GPR158: variants seen among roughly 807,000 people sequenced by gnomAD.
GPR158 encodes metabotropic glycine receptor.
Under a neutral mutation model 78.2 loss-of-function variants are expected in GPR158, and 30 were observed. The ratio of observed to expected loss-of-function variants is 0.38; its 90% CI spans 0.29 to 0.52. The LOEUF (loss-of-function observed/expected upper bound fraction) is 0.52. Among genes scored for constraint, GPR158 ranks in the 20% least tolerant of loss-of-function variants. The pLI, the probability that GPR158 is intolerant of heterozygous loss-of-function variation, is 0.83. For synonymous variants in GPR158, 581 were observed against 591.1 expected (o/e 0.98, Z 0.25); for missense variants, 1,463 against 1,523.5 (o/e 0.96, Z 0.66).
At position 25,324,605 on chromosome 10, in the gene GPR158, C is replaced by T. The variant is rs547962157; in HGVS notation, c.1009-71306C>T. On this transcript the variant is annotated intron_variant, in intron 2 of 10. Transcript: ENST00000376351. ...GAATTACCAAAATGTGACACACAGA[C>T]GCAAAGTGATCACCTGCTGTTGGAA... 1.6e-4 allele frequency among the ~76,000 whole-genome samples: 24 copies of T among 152,140 alleles called. 1 individual carries two copies. In the South Asian group the frequency reaches 3.7e-3, roughly 24 times the overall value.
At chr10:25,580,478 GA>G (rs1837173953) in intron 7 of GPR158, among the ~76,000 whole-genome samples, 1 of 152,020 alleles carries the variant, frequency 6.6e-6, no homozygotes, top group African/African-American at 2.4e-5. Flanking sequence ...GTTATATAAG[GA>G]AATTCTAAAA....
intron 5 of GPR158, among the ~76,000 whole-genome samples, chr10:25,468,756 G>C (rs578030284): frequency 1.3e-5 from 2 of 152,180 alleles, no homozygotes; most frequent in East Asian, 1.9e-4. Context: ...GCCAACTTAC[G>C]TTCAGTGGTT....
chr10:25,600,220 G>A lies in GPR158; in HGVS notation c.*946G>A, dbSNP rs3003953. ...TCAATAAGTTAAGGACAACTTATCC[G>A]TTGTTTATTCAAAGTCAGAGATAGA... is the stretch of plus-strand genomic sequence containing the variant. On this transcript the variant is annotated 3_prime_UTR_variant, in exon 11 of 11. Coordinates refer to ENST00000376351, the MANE Select transcript of GPR158 (RefSeq NM_020752.3). 0.013 allele frequency: 2,011 copies of A among 152,706 alleles called. 22 individuals carry two copies. The highest frequency in any genetic ancestry group is 0.044 in the South Asian group (212 of 4,830). 9.5% of individuals were successfully genotyped at this position (152,706 alleles called of 1,614,324 possible).
rs1424870367 is a variant in GPR158, at chr10:25,435,736, A to G, written c.1335+23263A>G. Among the ~76,000 whole-genome samples, 5 of 152,306 alleles carry G rather than the reference A, an allele frequency of 3.3e-5. No individual in the cohort carries two copies. In the East Asian group the frequency reaches 5.8e-4, roughly 18 times the overall value. On this transcript the variant is annotated intron_variant, in intron 4 of 10. Transcript: ENST00000376351. ...CATTTATAGGTGGTCCTGTTGATTG[A>G]TTATTAAACCAACTTTTCTAGCTGC... is the stretch of plus-strand genomic sequence containing the variant.
intron 7 of GPR158, among the ~76,000 whole-genome samples, chr10:25,577,414 G>A (rs550475882): frequency 1.3e-5 from 2 of 150,700 alleles, no homozygotes; most frequent in South Asian, 4.2e-4. Flanking sequence ...TTACATTAGT[G>A]TCAAGAGTTC....
At chr10:25,422,133 C>T (rs540529010) in intron 4 of GPR158, among the ~76,000 whole-genome samples, 2 of 152,320 alleles carry the variant, frequency 1.3e-5, no homozygotes, top group Admixed American at 1.3e-4. Context: ...TATATGGCAA[C>T]AACGTGGCTC....
intron 4 of GPR158, among the ~76,000 whole-genome samples, chr10:25,452,042 T>TTTG (rs1288784639): frequency 2.3e-5 from 3 of 131,180 alleles, no homozygotes; most frequent in Non-Finnish European, 3.6e-5. Context: ...GTTTGGTTTT[T>TTTG]GTTTTTGTTT....
At chr10:25,591,101 A>G (rs1489599659) in intron 8 of GPR158, among the ~76,000 whole-genome samples, 1 of 152,144 alleles carries the variant, frequency 6.6e-6, no homozygotes, top group Non-Finnish European at 1.5e-5. Context: ...ACCCAAAGAT[A>G]AGCACTGTTA....
At chr10:25,416,869 A>T (rs975734211) in intron 4 of GPR158, among the ~76,000 whole-genome samples, 40 of 152,164 alleles carry the variant, frequency 2.6e-4, no homozygotes, top group African/African-American at 9.7e-4. Flanking sequence ...ACTGTAAGTT[A>T]ATAAATTAAG....
At chr10:25,365,014 A>C (rs1855697445) in intron 2 of GPR158, among the ~76,000 whole-genome samples, 1 of 151,912 alleles carries the variant, frequency 6.6e-6, no homozygotes, top group East Asian at 1.9e-4. Flanking sequence ...TGTCTATGTA[A>C]AACTATGTTT....
chr10:25,484,117 C>G (rs1033557593), intron 5 of GPR158, among the ~76,000 whole-genome samples: 1 of 152,118 alleles, frequency 6.6e-6, no homozygotes. Context: ...CTTAACTTCT[C>G]CCACCTAAAG....
chr10:25,241,124 A>ATTTTCT (rs1853598611), intron 2 of GPR158, among the ~76,000 whole-genome samples: 2 of 121,898 alleles, frequency 1.6e-5, no homozygotes, highest in African/African-American at 3.1e-5. Flanking sequence ...TTTTACTTTG[A>ATTTTCT]TTTTCTTTCT....
chr10:25,514,019 C>T (rs1398998162), intron 5 of GPR158, among the ~76,000 whole-genome samples: 1 of 152,052 alleles, frequency 6.6e-6, no homozygotes, highest in Non-Finnish European at 1.5e-5. Context: ...ATGTTCTAAA[C>T]ATATCTGTTA....
chr10:25,388,857 C>T (rs1301029780), intron 2 of GPR158, among the ~76,000 whole-genome samples: 1 of 152,244 alleles, frequency 6.6e-6, no homozygotes, highest in Non-Finnish European at 1.5e-5. Flanking sequence ...CCTGGCCTCT[C>T]CTTGCTTTCA....
chr10:25,483,534 C>T (rs1286890775), intron 5 of GPR158, among the ~76,000 whole-genome samples: 4 of 152,056 alleles, frequency 2.6e-5, no homozygotes, highest in Non-Finnish European at 4.4e-5. Context: ...TGCTGTGTTA[C>T]TTTATTATCT....
At chr10:25,450,889 G>A (rs1484678923) in intron 4 of GPR158, among the ~76,000 whole-genome samples, 1 of 151,910 alleles carries the variant, frequency 6.6e-6, no homozygotes, top group Non-Finnish European at 1.5e-5. Context: ...ATACATGCAT[G>A]CATACTCATA....
intron 2 of GPR158, among the ~76,000 whole-genome samples, chr10:25,303,145 C>T (rs1204571354): frequency 1.3e-5 from 2 of 152,116 alleles, no homozygotes; most frequent in Non-Finnish European, 2.9e-5. Flanking sequence ...TAACTCTTGG[C>T]GTGTTAATTG....
intron 2 of GPR158, among the ~76,000 whole-genome samples, chr10:25,272,674 C>T (rs1473395449): frequency 6.6e-6 from 1 of 152,030 alleles, no homozygotes; most frequent in Non-Finnish European, 1.5e-5. Flanking sequence ...TCCTCCTGTA[C>T]AAAATGGAAT....
intron 2 of GPR158, among the ~76,000 whole-genome samples, chr10:25,290,251 A>G (rs1248817096): frequency 1.3e-5 from 2 of 152,226 alleles, no homozygotes; most frequent in Non-Finnish European, 2.9e-5. Flanking sequence ...AGAATTCCGT[A>G]TACTATCTCT....
Sources: gnomAD v4.1 joint callset for allele counts (sites outside exome capture counted in the v4.1 genomes callset) on GRCh38, gnomAD v4.1.1 for gene constraint, MANE v1.5 for transcripts, NCBI Gene and HGNC (gene_info 2026-07-23, HGNC 2026-07-21) for gene names.